CLIC5: variants seen among roughly 807,000 people sequenced by gnomAD.
CLIC5 encodes the protein chloride intracellular channel protein 5.
CLIC5 carries 20 observed loss-of-function variants against 24.7 expected under a neutral mutation model. That is an observed-to-expected ratio of 0.81 (90% confidence interval 0.57 to 1.18). The LOEUF is 1.18. CLIC5 is among the 50% of genes most tolerant of loss of function. The probability of loss-of-function intolerance (pLI) is 0.00; values close to 1 mark genes in which losing one functional copy is unlikely to be tolerated. For missense variants in CLIC5, 341 were observed against 326.1 expected (o/e 1.05, Z -0.35); for synonymous variants, 159 against 135.6 (o/e 1.17, Z -1.20).
At chr6:45,929,408 C>A (rs140792636) in intron 4 of CLIC5, among the ~76,000 whole-genome samples, 1,646 of 152,318 alleles carry the variant, frequency 0.011, 11 homozygotes, top group Middle Eastern at 0.041. Context: ...CCCACCAGAC[C>A]TCCGAGGTGG....
chr6:45,902,538 G>C lies in CLIC5; in HGVS notation c.*550C>G, dbSNP rs1366271429. ...TCTGGCCCTTAGTGCCCAATAACCA[G>C]AGTGTCAGAAGTAGTGAGACTGAAG... is the stretch of plus-strand genomic sequence containing the variant. On this transcript the variant is annotated 3_prime_UTR_variant, in exon 6 of 6. Transcript: ENST00000339561. 2 of 154,500 alleles carry C rather than the reference G, an allele frequency of 1.3e-5. No homozygotes were observed. The highest frequency in any genetic ancestry group is 4.8e-5 in the African/African-American group (2 of 41,458). The allele number at this position is 154,500 out of a possible 1,614,324, so 9.6% of individuals were successfully genotyped here. A position where few individuals can be genotyped will look rare whatever the true frequency, so the allele number is the denominator to read the frequency against.
intron 1 of CLIC5, among the ~76,000 whole-genome samples, chr6:45,974,984 G>A (rs763939390): frequency 7.2e-5 from 11 of 152,196 alleles, no homozygotes; most frequent in Non-Finnish European, 1.3e-4. Flanking sequence ...AGAGCTTTTT[G>A]AATTTCAGGA....
the CLIC5 span, among the ~76,000 whole-genome samples, chr6:46,099,978 T>C: frequency 1.3e-5 from 2 of 149,422 alleles, no homozygotes; most frequent in Non-Finnish European, 3.0e-5. Flanking sequence ...TTAAAATTCA[T>C]AAGGCCATAA....
intron 4 of CLIC5, among the ~76,000 whole-genome samples, chr6:45,925,014 G>A (rs1763423908): frequency 6.6e-6 from 1 of 152,136 alleles, no homozygotes; most frequent in Non-Finnish European, 1.5e-5. Flanking sequence ...CACGAAAGAT[G>A]GAGAATTAGG....
chr6:46,044,461 G>A (rs746692034), intron 1 of CLIC5, among the ~76,000 whole-genome samples: 6 of 152,164 alleles, frequency 3.9e-5, no homozygotes, highest in Non-Finnish European at 1.5e-5. Context: ...GACCAGGCCT[G>A]TCCAGAAATT....
intron 1 of CLIC5, among the ~76,000 whole-genome samples, chr6:46,023,763 A>G (rs1327410326): frequency 6.6e-6 from 1 of 152,150 alleles, no homozygotes; most frequent in African/African-American, 2.4e-5. Context: ...TGCTCTGGTG[A>G]TTGTCCTCAC....
At chr6:45,916,843 G>C (rs1012402064) in intron 4 of CLIC5, among the ~76,000 whole-genome samples, 3 of 152,170 alleles carry the variant, frequency 2.0e-5, no homozygotes, top group Non-Finnish European at 4.4e-5. Flanking sequence ...ATTCTGGAAG[G>C]CACCCTCTGT....
the CLIC5 span, among the ~76,000 whole-genome samples, chr6:46,087,308 G>T: frequency 4.4e-3 from 672 of 152,144 alleles, 5 homozygotes; most frequent in Non-Finnish European, 6.8e-3. Flanking sequence ...TGAGACAGAT[G>T]GAATCTTCTT....
At chr6:46,098,320 C>CAGTA in the CLIC5 span, among the ~76,000 whole-genome samples, 1 of 152,054 alleles carries the variant, frequency 6.6e-6, no homozygotes. Flanking sequence ...TTTGGATTTC[C>CAGTA]AGTAGTAAGA....
chr6:45,982,573 C>T (rs113054459), intron 1 of CLIC5, among the ~76,000 whole-genome samples: 5 of 152,084 alleles, frequency 3.3e-5, no homozygotes, highest in East Asian at 1.9e-4. Context: ...TATTGAACAC[C>T]GTAGGCAACT....
chr6:46,043,877 T>C (rs1767884719), intron 1 of CLIC5, among the ~76,000 whole-genome samples: 1 of 152,208 alleles, frequency 6.6e-6, no homozygotes, highest in Admixed American at 6.5e-5. Context: ...AGTTTATCAT[T>C]GCATTCTTAA....
chr6:45,982,029 A>G (rs1483107227), intron 1 of CLIC5, among the ~76,000 whole-genome samples: 7 of 151,806 alleles, frequency 4.6e-5, no homozygotes, highest in Non-Finnish European at 2.9e-5. Flanking sequence ...AAAGAAATAT[A>G]GGGGACAGTC....
At chr6:45,912,533 A>T in intron 5 of CLIC5, 2 of 1,377,516 alleles carry the variant, frequency 1.5e-6, no homozygotes, top group Non-Finnish European at 1.9e-6. Flanking sequence ...AAAGGAAAAG[A>T]AGGCAAGAAG....
chr6:45,888,038 C>G (rs1009489280), intron 6 of CLIC5, among the ~76,000 whole-genome samples: 4 of 152,104 alleles, frequency 2.6e-5, no homozygotes, highest in Admixed American at 1.3e-4. Context: ...GTGTATGACC[C>G]TAAAATTTCT....
chr6:46,018,491 CAA>C (rs1045462263), upstream of CLIC5, among the ~76,000 whole-genome samples: 2 of 151,674 alleles, frequency 1.3e-5, no homozygotes. Context: ...CTTCATGCTG[CAA>C]AAAAAATAAT....
intron 1 of CLIC5, among the ~76,000 whole-genome samples, chr6:46,060,166 T>C (rs576467218): frequency 1.3e-5 from 2 of 152,326 alleles, no homozygotes; most frequent in South Asian, 2.1e-4. Context: ...GTCAGTCTCT[T>C]TGAGTCTCAA....
rs1256348186 is a variant in CLIC5 at position 46,031,256 on chromosome 6, C to T, written c.540+48447G>A. Among the ~76,000 whole-genome samples, 5 of 152,252 alleles carry T rather than the reference C, an allele frequency of 3.3e-5. 1 individual carries two copies. The highest frequency in any genetic ancestry group is 6.8e-3 in the Middle Eastern group (2 of 294). On this transcript the variant is annotated intron_variant, in intron 1 of 5. Transcript: ENST00000185206. Reference sequence around the variant, plus strand: ...GATCCCTTGCCCCTCATCCTTTCTGCAGAATATGCTGTCTTCAGTACATGA... The same window carrying T: ...GATCCCTTGCCCCTCATCCTTTCTGTAGAATATGCTGTCTTCAGTACATGA...
intron 4 of CLIC5, among the ~76,000 whole-genome samples, chr6:45,918,488 T>A (rs1763117764): frequency 6.6e-6 from 1 of 152,220 alleles, no homozygotes; most frequent in Non-Finnish European, 1.5e-5. Context: ...CAAAGCAGAC[T>A]CCTGGGGCTC....
chr6:45,912,824 A>G, intron 5 of CLIC5: 1 of 954,868 alleles, frequency 1.0e-6, no homozygotes, highest in Non-Finnish European at 1.6e-6. Context: ...TGGACCTACA[A>G]GTGACTATTG....
Sources: gnomAD v4.1 joint callset for allele counts (sites outside exome capture counted in the v4.1 genomes callset) on GRCh38, gnomAD v4.1.1 for gene constraint, MANE v1.5 for transcripts, NCBI Gene and HGNC (gene_info 2026-07-23, HGNC 2026-07-21) for gene names.